The following MICAL2 variants were observed in gnomAD, a reference collection of about 807,000 sequenced individuals.
MICAL2 encodes the protein [F-actin]-monooxygenase MICAL2.
MICAL2 carries 77 observed loss-of-function variants against 127.3 expected under a neutral mutation model. That is an observed-to-expected ratio of 0.60 (90% CI 0.50 to 0.73). The LOEUF is 0.73. Among genes scored for constraint, MICAL2 ranks in the 30% least tolerant of loss-of-function variants. MICAL2 has a pLI of 0.00. For missense variants in MICAL2, 1,351 were observed against 1,434.4 expected, an observed-to-expected ratio of 0.94 and a Z score of 0.94; for synonymous variants, 570 against 551.1, an observed-to-expected ratio of 1.03 and a Z score of -0.48.
At chr11:12,294,236 C>G, downstream of MICAL2, 2 of 1,614,168 alleles carry the variant, frequency 1.2e-6, no homozygotes, top group African/African-American at 1.3e-5. Context: ...ACCCAAGTCC[C>G]CACTGCGGCT....
intron 29 of MICAL2, among the ~76,000 whole-genome samples, chr11:12,315,825 G>T (rs1039831409): frequency 6.6e-6 from 1 of 152,026 alleles, no homozygotes; most frequent in African/African-American, 2.4e-5. Context: ...AAGAGAAAAG[G>T]GTTAATACCC....
chr11:12,203,227 G>T (rs73416268), intron 3 of MICAL2, among the ~76,000 whole-genome samples: 2 of 152,084 alleles, frequency 1.3e-5, no homozygotes, highest in African/African-American at 2.4e-5. Context: ...GAACATTCAC[G>T]TACAGGATTT....
At chr11:12,229,802 A>T (rs1049578081) in intron 15 of MICAL2, among the ~76,000 whole-genome samples, 4 of 152,206 alleles carry the variant, frequency 2.6e-5, no homozygotes, top group Non-Finnish European at 5.9e-5. Context: ...GCCCAGCCCA[A>T]TTCTGGCCCC....
At chr11:12,227,304 CT>C in intron 15 of MICAL2, 173 bp downstream of exon 15, 1 of 576,584 alleles carries the variant, frequency 1.7e-6, no homozygotes, top group Non-Finnish European at 3.1e-6. Context: ...GAAGTTCTTC[CT>C]GGCACTGTGT....
chr11:12,259,846 G>T lies in MICAL2; in HGVS notation c.3283G>T (p.Glu1095Ter). ...AGCCCCTCGGAGAGACACTCCCACCGAAAGTTCTTGCGCAGTGGCCGCCAT... is the reference window on the plus strand; with the variant it reads ...AGCCCCTCGGAGAGACACTCCCACCTAAAGTTCTTGCGCAGTGGCCGCCAT... The part of the protein sequence containing the change: ...QEAPRRDTPT[E>*]SSCAVAAIGT... Residue 1095 changes from glutamate (E) to a stop codon, truncating the protein, a stop_gained, in exon 26 of 28, where the codon GAA becomes TAA. Transcript: ENST00000683283. LOFTEE classifies it high-confidence loss of function. 6.2e-7 allele frequency: 1 copy of T among 1,600,690 alleles called. No homozygotes were observed. Among genetic ancestry groups the T allele is most frequent in the Non-Finnish European group, 8.5e-7 (1 of 1,172,176 alleles).
intron 3 of MICAL2, among the ~76,000 whole-genome samples, chr11:12,168,185 C>CTTATG (rs1855753333): frequency 6.8e-6 from 1 of 146,156 alleles, no homozygotes; most frequent in African/African-American, 2.5e-5. Context: ...CACACATACA[C>CTTATG]CATACATACA....
intron 2 of MICAL2, among the ~76,000 whole-genome samples, chr11:12,159,418 G>C (rs1438326095): frequency 6.6e-6 from 1 of 152,222 alleles, no homozygotes; most frequent in African/African-American, 2.4e-5. Flanking sequence ...TGTGGTAGAT[G>C]CAGTGTGCGT....
intron 14 of MICAL2, 59 bp downstream of exon 14, chr11:12,226,429 G>A: frequency 1.3e-6 from 2 of 1,542,936 alleles, no homozygotes; most frequent in South Asian, 2.3e-5. Context: ...CCCTGTCTCT[G>A]AGTCTGGCTG....
Position 12,183,448 on chromosome 11 carries a change from C to T in MICAL2, c.265-20802C>T, listed in dbSNP as rs112941374. ...TTGTCCTGGCCCAGACACAGAGCCT[C>T]TGCTCCAGCTCAGAGCCCAGAATCT... On this transcript the variant is annotated intron_variant, in intron 3 of 27. Coordinates refer to ENST00000683283, the MANE Select transcript of MICAL2 (RefSeq NM_001282663.2). 5.4e-3 allele frequency among the ~76,000 whole-genome samples: 823 copies of T among 152,298 alleles called. 13 individuals are homozygous for T. Among genetic ancestry groups the T allele is most frequent in the Middle Eastern group, 0.017 (5 of 294 alleles).
At chr11:12,339,568 C>G (rs1213271134) in intron 32 of MICAL2, among the ~76,000 whole-genome samples, 1 of 152,118 alleles carries the variant, frequency 6.6e-6, no homozygotes, top group Admixed American at 6.5e-5. Flanking sequence ...TTTTCCCCAT[C>G]TTTGTGGTTT....
intron 32 of MICAL2, among the ~76,000 whole-genome samples, chr11:12,333,915 T>C (rs10765943): frequency 5.3e-5 from 8 of 151,916 alleles, no homozygotes; most frequent in Non-Finnish European, 1.0e-4. Context: ...ATATAAGCCA[T>C]CAGTAGCATT....
In MICAL2 at chr11:12,242,319, C is replaced by T. The variant is rs1410163346; in HGVS notation, c.2443C>T (p.Leu815=). The T allele has an allele frequency of 6.2e-7, 1 of 1,614,158 alleles. No individual in the cohort carries two copies. Among genetic ancestry groups the T allele is most frequent in the African/African-American group, 1.3e-5 (1 of 75,056 alleles). Residue 815 remains leucine, a synonymous_variant, in exon 19 of 28, where the codon CTA becomes TTA. Transcript: ENST00000683283. ...RPWRARAKSD[L]QLGGTENFAT... The stretch of plus-strand genomic sequence containing the variant: ...TTGGAGAGCCAGAGCCAAGTCTGAC[C>T]TACAGCTGGGTGGGACAGAAAATTT...
intron 32 of MICAL2, among the ~76,000 whole-genome samples, chr11:12,330,295 G>A (rs1382700138): frequency 6.6e-6 from 1 of 152,176 alleles, no homozygotes; most frequent in Non-Finnish European, 1.5e-5. Flanking sequence ...AGTTGTATTT[G>A]AGCTGGCCTG....
chr11:12,353,598 G>C (rs1346859823), intron 33 of MICAL2, among the ~76,000 whole-genome samples: 1 of 152,034 alleles, frequency 6.6e-6, no homozygotes, highest in Non-Finnish European at 1.5e-5. Context: ...TTACCACATG[G>C]GCTAGCCTGT....
Position 12,204,262 on chromosome 11 carries a change from G to A in MICAL2, c.277G>A (p.Gly93Arg). ...SCTNTKCLIV[G>R]GGPCGLRTAI... ...CTCACCTCTGCAGTGTCTCATAGTT[G>A]GGGGAGGACCCTGTGGCTTGCGCAC... The change falls in exon 4 of 28, where the codon GGG becomes AGG. Residue 93 changes from glycine to arginine, a missense_variant. By Grantham distance (125) the Gly-to-Arg change is moderately radical. Transcript: ENST00000683283. 1 of 1,614,144 alleles carries A rather than the reference G, an allele frequency of 6.2e-7. No individual in the cohort carries two copies. The highest frequency in any genetic ancestry group is 8.5e-7 in the Non-Finnish European group (1 of 1,180,006).
chr11:12,267,783 G>A (rs1439378534), downstream of MICAL2, among the ~76,000 whole-genome samples: 10 of 152,134 alleles, frequency 6.6e-5, no homozygotes, highest in Admixed American at 6.5e-4. Context: ...TGTATTTTTA[G>A]TAGAGACAGG....
intron 32 of MICAL2, among the ~76,000 whole-genome samples, chr11:12,336,337 C>T (rs1938756573): frequency 6.6e-6 from 1 of 152,206 alleles, no homozygotes; most frequent in African/African-American, 2.4e-5. Context: ...GGCTTATCAG[C>T]TTAAGGAGAT....
intron 12 of MICAL2, among the ~76,000 whole-genome samples, chr11:12,224,136 A>G (rs935736768): frequency 1.3e-5 from 2 of 152,134 alleles, no homozygotes; most frequent in Non-Finnish European, 2.9e-5. Context: ...ACTGTTACGC[A>G]AACATAGCAG....
At chr11:12,214,204 A>C (rs1433178695) in intron 7 of MICAL2, among the ~76,000 whole-genome samples, 1 of 152,198 alleles carries the variant, frequency 6.6e-6, no homozygotes. Context: ...CAATTAAGTA[A>C]ATTCCAGATA....
Sources: gnomAD v4.1 joint callset for allele counts (sites outside exome capture counted in the v4.1 genomes callset) on GRCh38, gnomAD v4.1.1 for gene constraint, MANE v1.5 for transcripts, NCBI Gene and HGNC (gene_info 2026-07-23, HGNC 2026-07-21) for gene names.